Variants in DENND1A observed in about 807,000 individuals in gnomAD.
The protein encoded by DENND1A is DENN domain-containing protein 1A.
A neutral mutation model predicts 113.7 loss-of-function variants in DENND1A; 51 were observed. The ratio of observed to expected loss-of-function variants is 0.45; its 90% CI spans 0.36 to 0.57. The LOEUF (loss-of-function observed/expected upper bound fraction) is 0.57. Among genes scored for constraint, DENND1A ranks in the 20% least tolerant of loss-of-function variants. The pLI is 0.00. For synonymous variants in DENND1A, 565 were observed against 570.8 expected (o/e 0.99, Z 0.14); for missense variants, 1,258 against 1,395.9 (o/e 0.90, Z 1.57).
chr9:123,502,613 T>G (rs1002571800), intron 13 of DENND1A, among the ~76,000 whole-genome samples: 6 of 152,228 alleles, frequency 3.9e-5, no homozygotes, highest in African/African-American at 1.4e-4. Context: ...TTAAAAACAT[T>G]TTCACCCATT....
chr9:123,411,089 GTTT>G (rs764001499), intron 20 of DENND1A, among the ~76,000 whole-genome samples: 2 of 141,118 alleles, frequency 1.4e-5, no homozygotes, highest in African/African-American at 2.6e-5. Context: ...TCCTTACTTG[GTTT>G]TTTTTTTTTT....
chr9:123,668,601 T>C (rs948022389), intron 7 of DENND1A, among the ~76,000 whole-genome samples: 2 of 152,214 alleles, frequency 1.3e-5, no homozygotes, highest in Non-Finnish European at 2.9e-5. Context: ...TAAATCTGTG[T>C]AACTAGAGCT....
intron 1 of DENND1A, among the ~76,000 whole-genome samples, chr9:123,918,254 C>T (rs1271025059): frequency 6.6e-6 from 1 of 150,684 alleles, no homozygotes; most frequent in Non-Finnish European, 1.5e-5. Flanking sequence ...TTTGGGAGGC[C>T]AAGGCGGGCA....
At chr9:123,392,315 A>G (rs1233602035) in intron 21 of DENND1A, among the ~76,000 whole-genome samples, 1 of 152,194 alleles carries the variant, frequency 6.6e-6, no homozygotes, top group Non-Finnish European at 1.5e-5. Context: ...ACAAATGTAG[A>G]TATTTCAAAT....
rs141091713 is a variant in DENND1A, at chr9:123,382,243, G to A, written c.2402C>T (p.Thr801Met). 7.0e-5 allele frequency: 112 copies of A among 1,609,638 alleles called. No individual in the cohort carries two copies. Among genetic ancestry groups the A allele is most frequent in the Admixed American group, 2.5e-4 (15 of 59,868 alleles). The change falls in exon 24 of 24, where the codon ACG becomes ATG. Residue 801 changes from threonine to methionine, a missense_variant. By Grantham distance (81) the Thr-to-Met change is moderately conservative. This residue lies in a region of DENND1A where 1,159 missense variants were observed against 1,231.7 expected (regional missense o/e 0.94). Coordinates refer to ENST00000394215, the MANE Select transcript of DENND1A (RefSeq NM_001352964.2). ...ALGDVSERLQ[T>M]DRDRRAALSP... Reference sequence around the variant, plus strand: ...CAGGGCAGCTCGCCTGTCCCGATCCGTCTGCAGCCGCTCTGAGACGTCACC... The same window carrying A: ...CAGGGCAGCTCGCCTGTCCCGATCCATCTGCAGCCGCTCTGAGACGTCACC...
chr9:123,457,278 C>T, intron 15 of DENND1A, 70 bp downstream of exon 15: 1 of 1,186,330 alleles, frequency 8.4e-7, no homozygotes, highest in East Asian at 2.3e-5. Context: ...AAGTCACTGC[C>T]ACTCCTTGTC....
intron 5 of DENND1A, among the ~76,000 whole-genome samples, chr9:123,708,198 G>A (rs962703775): frequency 7.9e-5 from 12 of 152,086 alleles, no homozygotes; most frequent in African/African-American, 2.9e-4. Flanking sequence ...CAACAGGAGT[G>A]GTTTGAATGC....
At chr9:123,624,034 T>A (rs1218384681) in intron 10 of DENND1A, among the ~76,000 whole-genome samples, 1 of 152,208 alleles carries the variant, frequency 6.6e-6, no homozygotes, top group East Asian at 1.9e-4. Context: ...ACTTGTGAAG[T>A]CTATTATGCA....
intron 13 of DENND1A, among the ~76,000 whole-genome samples, chr9:123,534,902 T>C (rs532846120): frequency 2.0e-5 from 3 of 152,316 alleles, no homozygotes; most frequent in African/African-American, 7.2e-5. Context: ...TGTGGCTTTT[T>C]TCCCCCCCTT....
intron 13 of DENND1A, among the ~76,000 whole-genome samples, chr9:123,495,105 T>C (rs1385816132): frequency 6.8e-6 from 1 of 146,630 alleles, no homozygotes; most frequent in East Asian, 2.0e-4. Flanking sequence ...TGTACTTCTC[T>C]TGTATGTCTA....
intron 13 of DENND1A, among the ~76,000 whole-genome samples, chr9:123,514,306 G>A (rs1464335263): frequency 1.3e-5 from 2 of 152,262 alleles, no homozygotes; most frequent in Admixed American, 6.5e-5. Context: ...CTGGCTCAGG[G>A]TGTCAGAGCC....
chr9:123,573,139 T>C (rs1476646156), intron 12 of DENND1A, among the ~76,000 whole-genome samples: 1 of 151,918 alleles, frequency 6.6e-6, no homozygotes, highest in Non-Finnish European at 1.5e-5. Flanking sequence ...CTTAATTTTG[T>C]TCTATTGATT....
intron 5 of DENND1A, among the ~76,000 whole-genome samples, chr9:123,677,431 G>T (rs911269057): frequency 1.3e-5 from 2 of 151,682 alleles, no homozygotes; most frequent in African/African-American, 4.8e-5. Flanking sequence ...CTTGTTTTTT[G>T]TTTGTTTGTT....
chr9:123,716,481 G>T (rs574082099), intron 5 of DENND1A, among the ~76,000 whole-genome samples: 1 of 152,192 alleles, frequency 6.6e-6, no homozygotes, highest in East Asian at 1.9e-4. Flanking sequence ...CTGGAAGACC[G>T]CTGTAGTCAC....
In DENND1A at chr9:123,381,500, T is replaced by G; in HGVS notation, c.3145A>C (p.Ser1049Arg). The change falls in exon 24 of 24, where the codon AGT (serine) becomes CGT (arginine). Residue 1049 changes from serine (S) to arginine (R), a missense_variant. Around this residue, in one of 2 missense-constraint regions of DENND1A, gnomAD observed 1,159 missense variants for 1,231.7 expected, o/e 0.94. Coordinates refer to ENST00000394215, the MANE Select transcript of DENND1A (RefSeq NM_001352964.2). This position sits in a 1 kb window ranked among gnomAD's most constrained non-coding sequence, Gnocchi z 4.7. ...LQKTKQDVSP[S>R]PALAPAPDSV... ...TCTGGGGCCGGGGCCAGGGCCGGAC[T>G]CGGGCTCACGTCTTGCTTGGTTTTC... 6.2e-7 allele frequency: 1 copy of G among 1,613,296 alleles called. No individual in the cohort carries two copies. The highest frequency in any genetic ancestry group is 8.5e-7 in the Non-Finnish European group (1 of 1,179,802).
intron 3 of DENND1A, 109 bp downstream of exon 3, chr9:123,792,478 T>A: frequency 1.7e-6 from 2 of 1,156,272 alleles, no homozygotes; most frequent in Non-Finnish European, 2.4e-6. Flanking sequence ...CTGCTTTTCT[T>A]CCCTTCTAAA....
chr9:123,677,781 T>C lies in DENND1A; in HGVS notation c.303-992A>G, dbSNP rs75417732. The stretch of plus-strand genomic sequence containing the variant: ...TGCAAATCTCCATCGCACATTGTAC[T>C]TAATTGCTGCAATGATGTCCGTCAC... On this transcript the variant is annotated intron_variant, in intron 5 of 23. Transcript: ENST00000394215. Among the ~76,000 whole-genome samples, 5 of 152,322 alleles carry C rather than the reference T, an allele frequency of 3.3e-5. No homozygotes were observed. In the East Asian group the frequency reaches 9.7e-4, roughly 29 times the overall value.
chr9:123,872,589 TA>T (rs375764639), intron 2 of DENND1A, among the ~76,000 whole-genome samples: 15 of 152,352 alleles, frequency 9.8e-5, no homozygotes, highest in African/African-American at 3.6e-4. Flanking sequence ...TATTGAGTGA[TA>T]ATTTTTCTCT....
intron 10 of DENND1A, among the ~76,000 whole-genome samples, chr9:123,615,016 A>G (rs2060583172): frequency 6.6e-6 from 1 of 152,372 alleles, no homozygotes; most frequent in Middle Eastern, 3.4e-3. Flanking sequence ...CGGGAAAAAG[A>G]AAAAGAACAG....
Sources: gnomAD v4.1 joint callset for allele counts (sites outside exome capture counted in the v4.1 genomes callset) on GRCh38, gnomAD v4.1.1 for gene constraint, gnomAD v4.1.1 regional missense constraint, Gnocchi (gnomAD v3.1) non-coding constraint, MANE v1.5 for transcripts, NCBI Gene and HGNC (gene_info 2026-07-23, HGNC 2026-07-21) for gene names.